Variants in BAZ2B observed in about 807,000 individuals in gnomAD.
The protein encoded by BAZ2B is bromodomain adjacent to zinc finger domain 2B.
Under a neutral mutation model 246.0 loss-of-function variants are expected in BAZ2B, and 91 were observed. The observed-to-expected ratio is 0.37, with a 90% CI of 0.31 to 0.44. The LOEUF (loss-of-function observed/expected upper bound fraction) is 0.44, where lower values mean the gene tolerates loss of function less well. BAZ2B is among the 20% of genes least tolerant of loss of function. The probability of loss-of-function intolerance (pLI) is 1.00; values close to 1 mark genes in which losing one functional copy is unlikely to be tolerated. For missense variants in BAZ2B, 2,332 were observed against 2,533.7 expected (o/e 0.92, Z 1.71); for synonymous variants, 855 against 860.0 (o/e 0.99, Z 0.10).
the BAZ2B span, among the ~76,000 whole-genome samples, chr2:159,658,893 A>G: frequency 6.6e-6 from 1 of 152,068 alleles, no homozygotes; most frequent in African/African-American, 2.4e-5. Context: ...GGATCAAGCA[A>G]TCCTCCCGCC....
intron 1 of BAZ2B, among the ~76,000 whole-genome samples, chr2:159,558,722 A>G (rs2089499971): frequency 6.6e-6 from 1 of 152,214 alleles, no homozygotes; most frequent in Non-Finnish European, 1.5e-5. Flanking sequence ...CATGGGAAAT[A>G]AGAGAAGTGG....
intron 2 of BAZ2B, among the ~76,000 whole-genome samples, chr2:159,554,373 C>A (rs913346174): frequency 6.6e-6 from 1 of 151,706 alleles, no homozygotes; most frequent in East Asian, 1.9e-4. Context: ...AGAAATATGT[C>A]AATATTTTAT....
chr2:159,462,868 C>A, intron 3 of BAZ2B: 2 of 1,603,736 alleles, frequency 1.2e-6, no homozygotes, highest in Non-Finnish European at 1.7e-6. Flanking sequence ...TTCACATAGG[C>A]TCTTAAAGCA....
the BAZ2B span, among the ~76,000 whole-genome samples, chr2:159,686,723 A>C: frequency 3.9e-5 from 6 of 152,186 alleles, no homozygotes; most frequent in African/African-American, 1.4e-4. Flanking sequence ...GTAATGTGCT[A>C]ATGTTGGTTT....
At chr2:159,336,294 T>C (rs2065658945) in intron 33 of BAZ2B, among the ~76,000 whole-genome samples, 1 of 152,212 alleles carries the variant, frequency 6.6e-6, no homozygotes, top group African/African-American at 2.4e-5. Context: ...CTGGAAAACA[T>C]GAATTATAGC....
chr2:159,469,538 C>T (rs4271723), intron 3 of BAZ2B, among the ~76,000 whole-genome samples: 36,828 of 152,010 alleles, frequency 0.24, 4,677 homozygotes, highest in South Asian at 0.34. Flanking sequence ...CAGGTTCAAG[C>T]GATTCCCCTG....
At chr2:159,535,656 A>G (rs1578170572) in intron 2 of BAZ2B, among the ~76,000 whole-genome samples, 1 of 152,236 alleles carries the variant, frequency 6.6e-6, no homozygotes, top group East Asian at 1.9e-4. Context: ...AAATAAGACA[A>G]ACAAAATTAA....
chr2:159,627,065 T>G, the BAZ2B span, among the ~76,000 whole-genome samples: 3 of 152,124 alleles, frequency 2.0e-5, no homozygotes, highest in Non-Finnish European at 4.4e-5. Flanking sequence ...CTAGAAAATC[T>G]AGAAGAAATG....
chr2:159,675,433 A>G, the BAZ2B span, among the ~76,000 whole-genome samples: 2 of 152,128 alleles, frequency 1.3e-5, no homozygotes, highest in African/African-American at 4.8e-5. Flanking sequence ...TGAAGATAGG[A>G]TATGAGGGAA....
chr2:159,365,498 T>C (rs1433724876), intron 27 of BAZ2B, among the ~76,000 whole-genome samples: 1 of 152,166 alleles, frequency 6.6e-6, no homozygotes, highest in African/African-American at 2.4e-5. Context: ...TTTCAACAGG[T>C]GGCTGGGAGG....
At chr2:159,328,771 T>C (rs189754033) in intron 34 of BAZ2B, among the ~76,000 whole-genome samples, 317 of 152,258 alleles carry the variant, frequency 2.1e-3, no homozygotes, top group African/African-American at 6.8e-3. Context: ...TGTATATTCA[T>C]ATAAGTGGCC....
intron 16 of BAZ2B, among the ~76,000 whole-genome samples, chr2:159,401,590 T>C (rs1051992552): frequency 2.6e-5 from 4 of 152,182 alleles, no homozygotes; most frequent in African/African-American, 9.6e-5. Flanking sequence ...ACCTGTAACA[T>C]TATTTTAAAA....
intron 20 of BAZ2B, chr2:159,392,064 A>G (rs2063398929): frequency 6.6e-6 from 1 of 152,138 alleles, no homozygotes; most frequent in South Asian, 2.1e-4. Flanking sequence ...CGCTTGTCTC[A>G]CATCTCACAA....
intron 33 of BAZ2B, among the ~76,000 whole-genome samples, chr2:159,334,945 C>T (rs1176178700): frequency 6.6e-6 from 1 of 151,938 alleles, no homozygotes; most frequent in African/African-American, 2.4e-5. Context: ...TTATGTTGCC[C>T]AGGCTATAGT....
intron 2 of BAZ2B, among the ~76,000 whole-genome samples, chr2:159,552,341 T>G (rs1342490774): frequency 6.6e-6 from 1 of 152,174 alleles, no homozygotes; most frequent in South Asian, 2.1e-4. Context: ...CCACAATTTG[T>G]AAGTAAGGTA....
chr2:159,657,162 A>G, the BAZ2B span, among the ~76,000 whole-genome samples: 9 of 152,238 alleles, frequency 5.9e-5, no homozygotes, highest in African/African-American at 2.2e-4. Context: ...AATTTTTCTG[A>G]AAGCTGTAAG....
At chr2:159,607,508 A>G (rs539727294) in intron 1 of BAZ2B, among the ~76,000 whole-genome samples, 21 of 152,282 alleles carry the variant, frequency 1.4e-4, no homozygotes, top group Non-Finnish European at 2.9e-4. Context: ...ACTGAAATGG[A>G]GGATTGAAAC....
chr2:159,437,651 T>C, intron 8 of BAZ2B: 1 of 152,444 alleles, frequency 6.6e-6, no homozygotes, highest in Non-Finnish European at 1.5e-5. Flanking sequence ...ATGTAGTGGC[T>C]CATGCCTGTA....
rs768638575 is a variant in BAZ2B at position 159,348,843 on chromosome 2, G to A, written c.5138-10C>T. The stretch of plus-strand genomic sequence containing the variant: ...CAACCAAACTGCATTTCTAAGTCAA[G>A]ATAAATAAGTAGAACTTTTACAAAT... On this transcript the variant is annotated splice_polypyrimidine_tract_variant and intron_variant, in intron 29 of 36. Coordinates refer to ENST00000392783, the MANE Select transcript of BAZ2B (RefSeq NM_013450.4). 6.3e-7 allele frequency: 1 copy of A among 1,583,068 alleles called. No individual in the cohort carries two copies. Among genetic ancestry groups the A allele is most frequent in the South Asian group, 1.2e-5 (1 of 85,126 alleles).
Sources: allele counts gnomAD v4.1 joint callset (sites outside exome capture counted in the v4.1 genomes callset), GRCh38; gene constraint gnomAD v4.1.1; transcripts MANE v1.5; gene names NCBI Gene and HGNC (gene_info 2026-07-23, HGNC 2026-07-21).